Variants in CNTNAP4 observed in about 807,000 individuals in gnomAD.
CNTNAP4 encodes the protein contactin-associated protein-like 4.
Under a neutral mutation model 148.4 loss-of-function variants are expected in CNTNAP4, and 98 were observed. The ratio of observed to expected loss-of-function variants is 0.66; its 90% confidence interval spans 0.56 to 0.78. The LOEUF is 0.78. Ranked by LOEUF, CNTNAP4 falls within the 30% of genes least tolerant of loss-of-function variation. The pLI is 0.00. For missense variants in CNTNAP4, 1,935 were observed against 1,565.6 expected (o/e 1.24, Z -3.98); for synonymous variants, 730 against 565.1 (o/e 1.29, Z -4.14).
chr16:76,557,013 T>C (rs970951358), intron 23 of CNTNAP4, among the ~76,000 whole-genome samples: 5 of 152,218 alleles, frequency 3.3e-5, no homozygotes, highest in African/African-American at 1.2e-4. Context: ...ACATTTGCTT[T>C]AGAATGGAGT....
At chr16:76,481,858 G>A (rs561890696) in intron 12 of CNTNAP4, among the ~76,000 whole-genome samples, 8 of 152,200 alleles carry the variant, frequency 5.3e-5, no homozygotes, top group South Asian at 4.1e-4. Context: ...CTAGGATAGC[G>A]GGAGTATGGT....
intron 21 of CNTNAP4, among the ~76,000 whole-genome samples, chr16:76,543,225 T>G (rs1296767922): frequency 2.6e-5 from 4 of 152,222 alleles, no homozygotes; most frequent in African/African-American, 9.6e-5. Context: ...AAGGTATGGA[T>G]CTTGATTAGG....
At chr16:76,346,712 A>G (rs1964931349) in intron 2 of CNTNAP4, among the ~76,000 whole-genome samples, 1 of 152,200 alleles carries the variant, frequency 6.6e-6, no homozygotes, top group Non-Finnish European at 1.5e-5. Context: ...CTGTGGTAAA[A>G]ACAAAATTAA....
At chr16:76,359,005 C>T (rs977371164) in intron 3 of CNTNAP4, among the ~76,000 whole-genome samples, 3 of 152,148 alleles carry the variant, frequency 2.0e-5, no homozygotes, top group Admixed American at 1.3e-4. Flanking sequence ...TCGCTAATTG[C>T]TGAAGCAGGA....
chr16:76,391,656 A>G (rs564777080), intron 3 of CNTNAP4, among the ~76,000 whole-genome samples: 1 of 152,296 alleles, frequency 6.6e-6, no homozygotes, highest in African/African-American at 2.4e-5. Context: ...AGAACCTCTG[A>G]GTGTGGGGTC....
intron 3 of CNTNAP4, among the ~76,000 whole-genome samples, chr16:76,371,897 C>G (rs957973414): frequency 2.0e-5 from 3 of 152,326 alleles, no homozygotes; most frequent in Non-Finnish European, 4.4e-5. Context: ...GCTTTCCAAA[C>G]ACAATCAAGT....
chr16:76,326,204 A>C (rs1274093667), intron 2 of CNTNAP4, among the ~76,000 whole-genome samples: 1 of 152,232 alleles, frequency 6.6e-6, no homozygotes, highest in Non-Finnish European at 1.5e-5. Flanking sequence ...TGTTGCATGA[A>C]TATAAATGCA....
At chr16:76,347,216 C>T (rs1397972324) in intron 2 of CNTNAP4, among the ~76,000 whole-genome samples, 6 of 151,182 alleles carry the variant, frequency 4.0e-5, no homozygotes, top group Admixed American at 6.6e-5. Context: ...TAAAAAATAC[C>T]GTGCATCAAA....
rs192765044 is a variant in CNTNAP4 at position 76,344,201 on chromosome 16, T to C, written c.197-11117T>C. On this transcript the variant is annotated intron_variant, in intron 2 of 23. Coordinates refer to ENST00000611870, the MANE Select transcript of CNTNAP4 (RefSeq NM_033401.5). ...CAGTGAAAATACATACATACACACA[T>C]ATATATATATATATTTGCTTATGTC... is the stretch of plus-strand genomic sequence containing the variant. Among the ~76,000 whole-genome samples, 639 of 150,814 alleles carry C rather than the reference T, an allele frequency of 4.2e-3. 2 individuals are homozygous for C. Among genetic ancestry groups the C allele is most frequent in the African/African-American group, 8.5e-3 (350 of 41,188 alleles).
chr16:76,473,866 GTTTTGT>G (rs1568318036), intron 10 of CNTNAP4, among the ~76,000 whole-genome samples: 6 of 3,320 alleles, frequency 1.8e-3, no homozygotes, highest in Non-Finnish European at 5.3e-3. Flanking sequence ...GTTTTGTTTT[GTTTTGT>G]TTTTTAATCT....
At chr16:76,480,268 A>G (rs1432897091) in intron 12 of CNTNAP4, among the ~76,000 whole-genome samples, 1 of 152,208 alleles carries the variant, frequency 6.6e-6, no homozygotes, top group African/African-American at 2.4e-5. Flanking sequence ...TCATTGAACA[A>G]CAAACATAAA....
intron 2 of CNTNAP4, among the ~76,000 whole-genome samples, chr16:76,349,059 T>C (rs1442938618): frequency 2.6e-5 from 4 of 152,056 alleles, no homozygotes; most frequent in Admixed American, 1.3e-4. Flanking sequence ...GAATGTCTTA[T>C]GTAACTAGAA....
chr16:76,550,910 A>G (rs1322691813), intron 21 of CNTNAP4, among the ~76,000 whole-genome samples: 2 of 152,110 alleles, frequency 1.3e-5, no homozygotes, highest in Non-Finnish European at 2.9e-5. Context: ...CCTCAGTGCT[A>G]TCTTTGGGTA....
intron 2 of CNTNAP4, among the ~76,000 whole-genome samples, chr16:76,346,346 A>C (rs935903972): frequency 7.1e-6 from 1 of 141,258 alleles, no homozygotes; most frequent in African/African-American, 2.5e-5. Flanking sequence ...GGTACAGGAG[A>C]GTGACTTCAG....
At position 76,516,663 on chromosome 16, in the gene CNTNAP4, C is replaced by A. The variant is rs561048733; in HGVS notation, c.2366-4477C>A. Among the ~76,000 whole-genome samples the A allele has an allele frequency of 5.9e-5, 9 of 152,360 alleles. No individual in the cohort carries two copies. The South Asian group carries it at 6.2e-4, about 11-fold the overall frequency. ...TGAAAGCTACGTAGGTGTCCTTCTG[C>A]AGGTAGATGGTTAAATAAATTTTAA... On this transcript the variant is annotated intron_variant, in intron 15 of 23. Coordinates refer to ENST00000611870, the MANE Select transcript of CNTNAP4 (RefSeq NM_033401.5).
intron 15 of CNTNAP4, among the ~76,000 whole-genome samples, chr16:76,518,433 A>G (rs1366416618): frequency 6.6e-5 from 10 of 152,106 alleles, no homozygotes; most frequent in African/African-American, 2.4e-4. Flanking sequence ...TGGCCTAAAA[A>G]ATTATTCTAA....
rs754533315 is a variant in CNTNAP4 at position 76,489,691 on chromosome 16, G to C, written c.1888G>C (p.Ala630Pro). 1 of 1,571,276 alleles carries C rather than the reference G, an allele frequency of 6.4e-7. No homozygotes were observed. Among genetic ancestry groups the C allele is most frequent in the Admixed American group, 1.7e-5 (1 of 57,716 alleles). ...CCCCCATTTCTGCATACAAGAAACT[G>C]CATGGACCATCATACAGCACAACGG... ...FLLYCNMTET[A>P]WTIIQHNGSD... The change falls in exon 13 of 24, where the codon GCA (alanine) becomes CCA (proline). Residue 630 changes from alanine (A) to proline (P), a missense_variant. By Grantham distance (27) the Ala-to-Pro change is conservative (BLOSUM62 -1). Coordinates refer to ENST00000611870, the MANE Select transcript of CNTNAP4 (RefSeq NM_033401.5).
intron 4 of CNTNAP4, among the ~76,000 whole-genome samples, chr16:76,434,118 A>AAT (rs1269438183): frequency 2.0e-5 from 3 of 148,726 alleles, no homozygotes; most frequent in South Asian, 2.1e-4. Flanking sequence ...GTATAATTAA[A>AAT]ATATATATAT....
chr16:76,297,903 G>A (rs1236413779), intron 1 of CNTNAP4, among the ~76,000 whole-genome samples: 1 of 152,090 alleles, frequency 6.6e-6, no homozygotes, highest in African/African-American at 2.4e-5. Flanking sequence ...ATCAGAAATA[G>A]TCTCTGCTTC....
Sources: gnomAD v4.1 joint callset for allele counts (sites outside exome capture counted in the v4.1 genomes callset) on GRCh38, gnomAD v4.1.1 for gene constraint, MANE v1.5 for transcripts, NCBI Gene and HGNC (gene_info 2026-07-23, HGNC 2026-07-21) for gene names.